CNTN5: variants seen among roughly 807,000 people sequenced by gnomAD.
CNTN5 encodes the protein contactin-5.
In CNTN5, 77 loss-of-function variants were observed where a neutral mutation model predicts 129.1. The ratio of observed to expected loss-of-function variants is 0.60; its 90% CI spans 0.50 to 0.72. CNTN5 has a LOEUF of 0.72. Among genes scored for constraint, CNTN5 ranks in the 30% least tolerant of loss-of-function variants. The pLI is 0.00. For missense variants in CNTN5, 1,478 were observed against 1,328.8 expected, an observed-to-expected ratio of 1.11 and a Z score of -1.75; for synonymous variants, 509 against 465.6, an observed-to-expected ratio of 1.09 and a Z score of -1.20.
At chr11:99,023,871 C>T (rs1862994755) in intron 1 of CNTN5, among the ~76,000 whole-genome samples, 1 of 152,092 alleles carries the variant, frequency 6.6e-6, no homozygotes. Context: ...GAAATTCTGA[C>T]TCCAGGAGTT....
At chr11:99,666,429 G>C (rs934052501) in intron 3 of CNTN5, among the ~76,000 whole-genome samples, 1 of 152,106 alleles carries the variant, frequency 6.6e-6, no homozygotes, top group African/African-American at 2.4e-5. Flanking sequence ...CTTTCTCCGA[G>C]GTTGGTTTGG....
At chr11:100,121,500 G>A (rs1946020595) in intron 13 of CNTN5, among the ~76,000 whole-genome samples, 1 of 151,938 alleles carries the variant, frequency 6.6e-6, no homozygotes, top group Admixed American at 6.6e-5. Flanking sequence ...AAAAACAGTG[G>A]GGGCAGGGGG....
intron 3 of CNTN5, among the ~76,000 whole-genome samples, chr11:99,809,872 T>C (rs1041792863): frequency 3.8e-4 from 58 of 152,134 alleles, no homozygotes; most frequent in Non-Finnish European, 2.9e-5. Flanking sequence ...AATATAATCA[T>C]TACAGTTAAA....
intron 17 of CNTN5, among the ~76,000 whole-genome samples, chr11:100,260,867 C>A (rs1420807196): frequency 6.6e-6 from 1 of 152,034 alleles, no homozygotes; most frequent in Admixed American, 6.6e-5. Context: ...CTGGAAGCAT[C>A]CCCTTTGAAA....
At chr11:99,372,602 C>T (rs1428115857) in intron 2 of CNTN5, among the ~76,000 whole-genome samples, 1 of 151,552 alleles carries the variant, frequency 6.6e-6, no homozygotes, top group East Asian at 2.0e-4. Context: ...CATTTAAGAC[C>T]ATGTTGAAAA....
chr11:99,665,447 T>C (rs191119488), intron 3 of CNTN5, among the ~76,000 whole-genome samples: 342 of 152,046 alleles, frequency 2.2e-3, no homozygotes, highest in African/African-American at 8.0e-3. Context: ...AACACAAATT[T>C]TGATTTTATT....
chr11:99,782,371 A>G (rs1253669700), intron 3 of CNTN5, among the ~76,000 whole-genome samples: 2 of 149,954 alleles, frequency 1.3e-5, no homozygotes, highest in East Asian at 4.0e-4. Context: ...ATGGGTAGGA[A>G]GAATCAATAT....
At chr11:99,446,423 A>G (rs922448935) in intron 2 of CNTN5, among the ~76,000 whole-genome samples, 2 of 152,192 alleles carry the variant, frequency 1.3e-5, no homozygotes, top group African/African-American at 2.4e-5. Context: ...TTAGTTCAGT[A>G]TCACCTCAGT....
At chr11:100,307,365 C>T (rs1283250806) in intron 20 of CNTN5, among the ~76,000 whole-genome samples, 1 of 151,662 alleles carries the variant, frequency 6.6e-6, no homozygotes, top group Non-Finnish European at 1.5e-5. Context: ...TAATGTATGG[C>T]CTTTATTCTG....
At chr11:99,124,498 C>A (rs1222992798) in intron 1 of CNTN5, among the ~76,000 whole-genome samples, 1 of 151,726 alleles carries the variant, frequency 6.6e-6, no homozygotes, top group Non-Finnish European at 1.5e-5. Flanking sequence ...GCACTAAACG[C>A]CCACATTAAA....
intron 2 of CNTN5, among the ~76,000 whole-genome samples, chr11:99,487,269 C>T (rs1220567336): frequency 6.6e-6 from 1 of 152,170 alleles, no homozygotes; most frequent in East Asian, 1.9e-4. Flanking sequence ...AAGTGTGAAC[C>T]TGAAGACCAT....
intron 15 of CNTN5, among the ~76,000 whole-genome samples, chr11:100,217,967 T>G (rs1473871276): frequency 2.0e-5 from 3 of 152,220 alleles, no homozygotes; most frequent in Non-Finnish European, 2.9e-5. Flanking sequence ...AGTCCCAACA[T>G]GGTCCCTTCT....
At chr11:100,010,804 C>G (rs563110269) in intron 9 of CNTN5, among the ~76,000 whole-genome samples, 42 of 152,154 alleles carry the variant, frequency 2.8e-4, no homozygotes, top group Non-Finnish European at 5.3e-4. Flanking sequence ...CTCTGTGACA[C>G]AGTTTCCTCT....
intron 3 of CNTN5, among the ~76,000 whole-genome samples, chr11:99,767,084 C>T (rs1276601675): frequency 6.6e-6 from 1 of 152,082 alleles, no homozygotes; most frequent in Non-Finnish European, 1.5e-5. Context: ...AAGGTTTTAT[C>T]TGTGCCGTGG....
chr11:99,142,575 A>T (rs1859575107), intron 1 of CNTN5, among the ~76,000 whole-genome samples: 1 of 152,064 alleles, frequency 6.6e-6, no homozygotes. Context: ...AGACTGGCAG[A>T]CCAGACTGGA....
intron 2 of CNTN5, among the ~76,000 whole-genome samples, chr11:99,461,059 T>A (rs1389812307): frequency 6.6e-6 from 1 of 152,138 alleles, no homozygotes; most frequent in Non-Finnish European, 1.5e-5. Context: ...ATAAAGTTGA[T>A]GCCCTCAAAA....
chr11:100,089,975 C>A (rs1333532598), intron 13 of CNTN5, among the ~76,000 whole-genome samples: 1 of 152,068 alleles, frequency 6.6e-6, no homozygotes, highest in African/African-American at 2.4e-5. Context: ...TTGACAGGTG[C>A]AGCAAACCAC....
At chr11:99,691,997 C>G (rs1056487974) in intron 3 of CNTN5, among the ~76,000 whole-genome samples, 3 of 151,976 alleles carry the variant, frequency 2.0e-5, no homozygotes, top group Non-Finnish European at 2.9e-5. Flanking sequence ...ATTTGTAATG[C>G]CCTTCTTTGT....
At chr11:99,544,281 T>C (rs1391077015) in intron 2 of CNTN5, among the ~76,000 whole-genome samples, 1 of 152,208 alleles carries the variant, frequency 6.6e-6, no homozygotes, top group Admixed American at 6.5e-5. Context: ...CACCTCCCAC[T>C]AGGCCCGACT....
Sources: gnomAD v4.1 joint callset for allele counts (sites outside exome capture counted in the v4.1 genomes callset) on GRCh38, gnomAD v4.1.1 for gene constraint, MANE v1.5 for transcripts, NCBI Gene and HGNC (gene_info 2026-07-23, HGNC 2026-07-21) for gene names.